The following CEP128 variants were observed in gnomAD, a reference collection of about 807,000 sequenced individuals.
CEP128 encodes centrosomal protein 128kDa.
In CEP128, 132 loss-of-function variants were observed where a neutral mutation model predicts 156.7. The observed-to-expected ratio is 0.84, with a 90% CI of 0.73 to 0.97. The LOEUF is 0.97. Among genes scored for constraint, CEP128 ranks in the 50% least tolerant of loss-of-function variants. CEP128 has a pLI of 0.00. For synonymous variants in CEP128, 469 were observed against 448.9 expected, an observed-to-expected ratio of 1.04 and a Z score of -0.57; for missense variants, 1,252 against 1,281.9, an observed-to-expected ratio of 0.98 and a Z score of 0.36.
chr14:80,560,806 G>C (rs1042754512), intron 20 of CEP128, among the ~76,000 whole-genome samples: 1 of 152,106 alleles, frequency 6.6e-6, no homozygotes, highest in African/African-American at 2.4e-5. Flanking sequence ...TTTGGGGCTT[G>C]GACTGGCTCT....
chr14:80,655,518 G>T (rs1012863608), intron 19 of CEP128, among the ~76,000 whole-genome samples: 2 of 151,774 alleles, frequency 1.3e-5, no homozygotes, highest in African/African-American at 4.8e-5. Flanking sequence ...CCCTTTCTTT[G>T]TCTGCCTAGC....
chr14:80,866,272 G>C (rs1040521124), intron 8 of CEP128, among the ~76,000 whole-genome samples: 1 of 152,046 alleles, frequency 6.6e-6, no homozygotes, highest in Non-Finnish European at 1.5e-5. Context: ...TGCCAGACCA[G>C]CTCCTATGGG....
At chr14:80,849,926 T>C (rs1886801914) in intron 9 of CEP128, among the ~76,000 whole-genome samples, 1 of 151,994 alleles carries the variant, frequency 6.6e-6, no homozygotes, top group African/African-American at 2.4e-5. Context: ...TTTGGGAAAA[T>C]TCTGCATGCA....
At chr14:80,552,971 C>T (rs943027942) in intron 21 of CEP128, among the ~76,000 whole-genome samples, 1 of 151,140 alleles carries the variant, frequency 6.6e-6, no homozygotes. Flanking sequence ...CCTTTTTTTT[C>T]TCTTCAGAAA....
intron 23 of CEP128, among the ~76,000 whole-genome samples, chr14:80,525,715 G>T (rs1888944946): frequency 6.6e-6 from 1 of 152,132 alleles, no homozygotes; most frequent in Admixed American, 6.6e-5. Flanking sequence ...GTCACAGGAT[G>T]CTCTCTTCAC....
chr14:80,676,839 G>T (rs761711727), intron 19 of CEP128, among the ~76,000 whole-genome samples: 53 of 152,084 alleles, frequency 3.5e-4, no homozygotes, highest in Admixed American at 5.9e-4. Context: ...TCAGTTTTCT[G>T]ATATTAAAAT....
In CEP128 at chr14:80,647,059, A is replaced by ATG. The variant is rs1566831586; in HGVS notation, c.2807-66637_2807-66636insCA. Among the ~76,000 whole-genome samples, 34 of 17,316 alleles carry ATG rather than the reference A, an allele frequency of 2.0e-3. 2 individuals carry two copies. The highest frequency in any genetic ancestry group is 6.3e-3 in the Admixed American group (9 of 1,424). 11.4% of individuals were successfully genotyped at this position (17,316 alleles called of 152,430 possible). On this transcript the variant is annotated intron_variant, in intron 19 of 24. Transcript: ENST00000555265. ...CATGTATATATATATATATATATAT[A>ATG]TATATATATATATATATATATATAT...
At chr14:80,714,747 G>A (rs773660340) in intron 19 of CEP128, among the ~76,000 whole-genome samples, 8 of 150,864 alleles carry the variant, frequency 5.3e-5, no homozygotes, top group East Asian at 1.9e-4. Context: ...TCCCATACCC[G>A]ACAATAATAA....
chr14:80,727,484 G>T (rs759036419), intron 19 of CEP128, among the ~76,000 whole-genome samples: 1 of 151,874 alleles, frequency 6.6e-6, no homozygotes, highest in African/African-American at 2.4e-5. Context: ...GATTACATGA[G>T]GAAGTCTCCA....
intron 8 of CEP128, among the ~76,000 whole-genome samples, chr14:80,883,331 A>G (rs1412600561): frequency 6.6e-6 from 1 of 152,138 alleles, no homozygotes; most frequent in Non-Finnish European, 1.5e-5. Context: ...TGATATGATC[A>G]TCTATTTGAA....
chr14:80,809,946 G>T (rs887752099), intron 13 of CEP128, among the ~76,000 whole-genome samples: 8 of 151,760 alleles, frequency 5.3e-5, no homozygotes, highest in Admixed American at 3.3e-4. Flanking sequence ...ATAAAAAAAA[G>T]ACTCAAATTG....
chr14:80,483,055 G>A (rs1887088432), intron 14 of CEP128, among the ~76,000 whole-genome samples: 1 of 152,166 alleles, frequency 6.6e-6, no homozygotes, highest in South Asian at 2.1e-4. Context: ...TATAGGGGGT[G>A]AAGCACAACT....
At chr14:80,887,945 G>T (rs897852468) in intron 8 of CEP128, among the ~76,000 whole-genome samples, 2 of 151,722 alleles carry the variant, frequency 1.3e-5, no homozygotes, top group African/African-American at 2.4e-5. Flanking sequence ...GATAAAAGGG[G>T]TATCACCACT....
intron 23 of CEP128, among the ~76,000 whole-genome samples, chr14:80,513,499 A>G (rs1888352234): frequency 6.6e-6 from 1 of 152,066 alleles, no homozygotes; most frequent in South Asian, 2.1e-4. Flanking sequence ...TTAAATATTT[A>G]TATCTTTCGG....
chr14:80,478,416 G>C (rs890628084), intron 14 of CEP128: 1 of 152,106 alleles, frequency 6.6e-6, no homozygotes, highest in East Asian at 1.9e-4. Context: ...CTCTATGAGA[G>C]ACAGAAAAAA....
At chr14:80,702,149 C>T (rs1897096386) in intron 19 of CEP128, among the ~76,000 whole-genome samples, 1 of 152,158 alleles carries the variant, frequency 6.6e-6, no homozygotes, top group South Asian at 2.1e-4. Flanking sequence ...TGTCTGTCTC[C>T]TGCCAATAGA....
At chr14:80,568,094 G>A (rs983025823) in intron 20 of CEP128, among the ~76,000 whole-genome samples, 2 of 152,122 alleles carry the variant, frequency 1.3e-5, no homozygotes. Context: ...TGGAAAATAA[G>A]AGGGTATGCT....
chr14:80,957,607 T>C (rs1244102567), intron 2 of CEP128, among the ~76,000 whole-genome samples: 2 of 152,186 alleles, frequency 1.3e-5, no homozygotes, highest in African/African-American at 4.8e-5. Context: ...TTCAAGTCAT[T>C]GAAGAGAGAT....
At chr14:80,491,267 G>C (rs564743552) in intron 6 of CEP128, among the ~76,000 whole-genome samples, 1 of 152,306 alleles carries the variant, frequency 6.6e-6, no homozygotes, top group Non-Finnish European at 1.5e-5. Context: ...TTTATTGGCT[G>C]TGGTCTTGGT....
Sources: gnomAD v4.1 joint callset for allele counts (sites outside exome capture counted in the v4.1 genomes callset) on GRCh38, gnomAD v4.1.1 for gene constraint, MANE v1.5 for transcripts, NCBI Gene and HGNC (gene_info 2026-07-23, HGNC 2026-07-21) for gene names.